Variants in NRG3 observed in about 807,000 individuals in gnomAD.
NRG3 encodes pro-neuregulin-3, membrane-bound isoform.
Under a neutral mutation model 66.9 loss-of-function variants are expected in NRG3, and 31 were observed. The ratio of observed to expected loss-of-function variants is 0.46; its 90% CI spans 0.35 to 0.63. The LOEUF is 0.63. NRG3 is among the 20% of genes least tolerant of loss of function. The probability of loss-of-function intolerance (pLI) is 0.00; values close to 1 mark genes in which losing one functional copy is unlikely to be tolerated. For synonymous variants in NRG3, 393 were observed against 359.4 expected, an observed-to-expected ratio of 1.09 and a Z score of -1.06; for missense variants, 910 against 878.9, an observed-to-expected ratio of 1.04 and a Z score of -0.45.
intron 1 of NRG3, among the ~76,000 whole-genome samples, chr10:82,061,922 C>T (rs545375395): frequency 6.6e-6 from 1 of 151,454 alleles, no homozygotes; most frequent in Non-Finnish European, 1.5e-5. Flanking sequence ...TGATACTTTA[C>T]CAGTTGATTT....
chr10:82,568,466 T>G (rs606741), intron 2 of NRG3, among the ~76,000 whole-genome samples: 12,818 of 151,816 alleles, frequency 0.084, 624 homozygotes, highest in East Asian at 0.15. Flanking sequence ...GGATTTAGCT[T>G]GGGAACAGAG....
chr10:82,137,983 A>G (rs2069489636), intron 1 of NRG3, among the ~76,000 whole-genome samples: 1 of 152,124 alleles, frequency 6.6e-6, no homozygotes, highest in Non-Finnish European at 1.5e-5. Flanking sequence ...TTTTCTCATC[A>G]CTTGACAATA....
intron 2 of NRG3, among the ~76,000 whole-genome samples, chr10:82,694,722 C>G (rs2055234215): frequency 6.6e-6 from 1 of 152,006 alleles, no homozygotes; most frequent in African/African-American, 2.4e-5. Flanking sequence ...CATTGCAACT[C>G]TAGCCTGGGT....
chr10:82,854,500 A>T (rs2063713124), intron 3 of NRG3, among the ~76,000 whole-genome samples: 1 of 152,202 alleles, frequency 6.6e-6, no homozygotes, highest in East Asian at 1.9e-4. Context: ...CTATGAAAGA[A>T]CTTTAAAATG....
intron 3 of NRG3, among the ~76,000 whole-genome samples, chr10:82,749,144 A>T (rs1351842784): frequency 6.6e-6 from 1 of 152,114 alleles, no homozygotes; most frequent in East Asian, 1.9e-4. Context: ...TGACAGTTGC[A>T]ACTTCAGTTG....
intron 1 of NRG3, among the ~76,000 whole-genome samples, chr10:82,348,902 T>C (rs2135479490): frequency 6.8e-6 from 1 of 147,910 alleles, no homozygotes; most frequent in Non-Finnish European, 1.5e-5. Flanking sequence ...TTCTCGAGCC[T>C]TGGTTTTCAG....
chr10:82,552,167 T>A (rs962392470), intron 2 of NRG3, among the ~76,000 whole-genome samples: 1 of 151,582 alleles, frequency 6.6e-6, no homozygotes, highest in African/African-American at 2.4e-5. Context: ...AAATCCATAT[T>A]TTTTTTTACA....
chr10:82,367,391 T>C (rs1264296898), intron 2 of NRG3, among the ~76,000 whole-genome samples: 1 of 152,180 alleles, frequency 6.6e-6, no homozygotes, highest in African/African-American at 2.4e-5. Flanking sequence ...CCTTGAAAAT[T>C]ACTGGAGTGT....
chr10:82,865,826 G>A (rs899936125), intron 4 of NRG3, among the ~76,000 whole-genome samples: 1 of 152,060 alleles, frequency 6.6e-6, no homozygotes, highest in Non-Finnish European at 1.5e-5. Flanking sequence ...AAAAAGCAAT[G>A]GTTTTTAAAT....
chr10:82,050,530 AACGGC>A (rs2063542181), intron 1 of NRG3, among the ~76,000 whole-genome samples: 1 of 151,932 alleles, frequency 6.6e-6, no homozygotes, highest in Admixed American at 6.6e-5. Flanking sequence ...CCTGCAGACT[AACGGC>A]ACAAAGAAAG....
intron 2 of NRG3, among the ~76,000 whole-genome samples, chr10:82,536,143 A>T (rs778927133): frequency 6.6e-6 from 1 of 152,242 alleles, no homozygotes; most frequent in Non-Finnish European, 1.5e-5. Flanking sequence ...CTAATAATTG[A>T]TCAGCCTTTC....
At chr10:82,060,067 A>G (rs964336797) in intron 1 of NRG3, among the ~76,000 whole-genome samples, 1 of 152,202 alleles carries the variant, frequency 6.6e-6, no homozygotes, top group African/African-American at 2.4e-5. Flanking sequence ...TGTGAAGGAT[A>G]CAATTAAGAT....
intron 1 of NRG3, among the ~76,000 whole-genome samples, chr10:81,976,248 AAG>A (rs2060121492): frequency 6.6e-6 from 1 of 152,110 alleles, no homozygotes; most frequent in Admixed American, 6.6e-5. Context: ...TGGCCCCCAA[AAG>A]AGAGAGAAAG....
intron 2 of NRG3, among the ~76,000 whole-genome samples, chr10:82,541,766 C>T (rs953822075): frequency 1.4e-4 from 21 of 152,028 alleles, no homozygotes; most frequent in Admixed American, 3.3e-4. Context: ...GGGTGGTCTC[C>T]GCCCTTAATC....
At chr10:82,804,427 T>A (rs1053448525) in intron 3 of NRG3, among the ~76,000 whole-genome samples, 5 of 152,130 alleles carry the variant, frequency 3.3e-5, no homozygotes, top group African/African-American at 1.2e-4. Flanking sequence ...GTGGAAGACA[T>A]GAACAGAAAT....
intron 1 of NRG3, among the ~76,000 whole-genome samples, chr10:81,941,494 A>C (rs1848401235): frequency 6.6e-6 from 1 of 152,130 alleles, no homozygotes; most frequent in Non-Finnish European, 1.5e-5. Context: ...GAAAACTGTA[A>C]ATGTATAAAG....
At chr10:82,524,821 AC>A (rs1343165685) in intron 2 of NRG3, among the ~76,000 whole-genome samples, 1 of 151,590 alleles carries the variant, frequency 6.6e-6, no homozygotes, top group East Asian at 1.9e-4. Context: ...TCTATAATGG[AC>A]CTCCAGAGTA....
intron 1 of NRG3, among the ~76,000 whole-genome samples, chr10:82,007,936 T>C (rs2061435579): frequency 3.4e-5 from 5 of 147,490 alleles, no homozygotes. Flanking sequence ...TTCATTCTTT[T>C]TCTCTACCTC....
intron 4 of NRG3, among the ~76,000 whole-genome samples, chr10:82,914,122 T>C (rs1324100367): frequency 6.6e-6 from 1 of 152,076 alleles, no homozygotes; most frequent in Non-Finnish European, 1.5e-5. Flanking sequence ...TTTCAGTTTT[T>C]TTTTTCTAGT....
Sources: allele counts gnomAD v4.1 joint callset (sites outside exome capture counted in the v4.1 genomes callset), GRCh38; gene constraint gnomAD v4.1.1; transcripts MANE v1.5; gene names NCBI Gene and HGNC (gene_info 2026-07-23, HGNC 2026-07-21).